IPCEF1: variants seen among roughly 807,000 people sequenced by gnomAD.
The protein encoded by IPCEF1 is interaction protein for cytohesin exchange factors 1.
In IPCEF1, 31 loss-of-function variants were observed where a neutral mutation model predicts 50.9. That is an observed-to-expected ratio of 0.61 (90% CI 0.46 to 0.82). The LOEUF (loss-of-function observed/expected upper bound fraction) is 0.82. IPCEF1 is among the 40% of genes least tolerant of loss of function. The pLI is 0.00. For synonymous variants in IPCEF1, 181 were observed against 192.0 expected, an observed-to-expected ratio of 0.94 and a Z score of 0.47; for missense variants, 458 against 514.0, an observed-to-expected ratio of 0.89 and a Z score of 1.05.
intron 1 of IPCEF1, among the ~76,000 whole-genome samples, chr6:154,316,298 C>T (rs1783216303): frequency 1.3e-5 from 2 of 152,182 alleles, no homozygotes; most frequent in Admixed American, 6.5e-5. Context: ...AGCACAGCAT[C>T]ACTTTTATAT....
chr6:154,202,633 C>T (rs1263265150), intron 9 of IPCEF1, among the ~76,000 whole-genome samples: 1 of 152,186 alleles, frequency 6.6e-6, no homozygotes, highest in Non-Finnish European at 1.5e-5. Flanking sequence ...ATTTGAACAA[C>T]AGACCATGTA....
rs1188452078 is a variant in IPCEF1 at position 154,214,296 on chromosome 6, CA to C, written c.393-21del. Reference sequence around the variant, plus strand: ...AACCACCTAAAATTCAAATAGAAAGCAAATGTTGACCAAAGAGATTAGCCCC... The same window carrying C: ...AACCACCTAAAATTCAAATAGAAAGCAATGTTGACCAAAGAGATTAGCCCC... On this transcript the variant is annotated intron_variant, in intron 7 of 11. Coordinates refer to ENST00000367220, the MANE Select transcript of IPCEF1 (RefSeq NM_001130700.2). 1 of 1,579,850 alleles carries C rather than the reference CA, an allele frequency of 6.3e-7. No homozygotes were observed. Among genetic ancestry groups the C allele is most frequent in the Non-Finnish European group, 8.7e-7 (1 of 1,148,984 alleles).
intron 3 of IPCEF1, among the ~76,000 whole-genome samples, chr6:154,263,984 G>A (rs950100720): frequency 6.4e-5 from 7 of 109,488 alleles, no homozygotes; most frequent in East Asian, 7.6e-4. Flanking sequence ...CGGATGGGGC[G>A]GCTGGCCGGG....
chr6:154,296,828 C>CA (rs200689361), intron 1 of IPCEF1, among the ~76,000 whole-genome samples: 3,918 of 74,434 alleles, frequency 0.053, 77 homozygotes, highest in Non-Finnish European at 0.078. Flanking sequence ...GACTCCGTCT[C>CA]AAAAAAAAAA....
chr6:154,215,696 C>T (rs1448609331), intron 7 of IPCEF1, among the ~76,000 whole-genome samples: 1 of 152,112 alleles, frequency 6.6e-6, no homozygotes, highest in Non-Finnish European at 1.5e-5. Context: ...GTTAAGAAAT[C>T]ACCTTCAGCA....
chr6:154,202,685 A>G (rs548080302), intron 9 of IPCEF1, among the ~76,000 whole-genome samples: 21 of 152,324 alleles, frequency 1.4e-4, no homozygotes, highest in African/African-American at 4.8e-4. Context: ...ATTGAACCTC[A>G]AAACTCTGCT....
chr6:154,295,867 G>GCACA lies in IPCEF1; in HGVS notation c.-61-6115_-61-6112dup, dbSNP rs59302680. On this transcript the variant is annotated intron_variant, in intron 1 of 11. Transcript: ENST00000367220. The stretch of plus-strand genomic sequence containing the variant: ...CTGCCTGTCACACACATGTGCACAC[G>GCACA]CACACACACACACACACACACATGC... Among the ~76,000 whole-genome samples, 8 of 148,004 alleles carry GCACA rather than the reference G, an allele frequency of 5.4e-5. No individual in the cohort carries two copies. In the South Asian group the frequency reaches 1.3e-3, roughly 24 times the overall value.
intron 1 of IPCEF1, among the ~76,000 whole-genome samples, chr6:154,355,467 A>G (rs1038917904): frequency 1.3e-5 from 2 of 150,788 alleles, no homozygotes; most frequent in African/African-American, 4.9e-5. Flanking sequence ...TGTTCTTTCC[A>G]TTTCTGTTTC....
intron 5 of IPCEF1, among the ~76,000 whole-genome samples, chr6:154,240,785 C>G (rs935295870): frequency 2.0e-5 from 3 of 152,192 alleles, no homozygotes; most frequent in African/African-American, 7.2e-5. Context: ...CTTCAATCCC[C>G]AAACATGCAA....
intron 5 of IPCEF1, among the ~76,000 whole-genome samples, chr6:154,224,405 C>G (rs1272075827): frequency 6.6e-6 from 1 of 152,124 alleles, no homozygotes; most frequent in South Asian, 2.1e-4. Flanking sequence ...ATGCCTTCCT[C>G]TTATAAGATT....
chr6:154,334,427 T>C (rs1039363934), intron 1 of IPCEF1, among the ~76,000 whole-genome samples: 9 of 152,168 alleles, frequency 5.9e-5, no homozygotes, highest in African/African-American at 2.2e-4. Context: ...GTATGTTTGG[T>C]ATCTATGACT....
At chr6:154,207,560 T>G (rs926455175) in intron 9 of IPCEF1, among the ~76,000 whole-genome samples, 2 of 147,966 alleles carry the variant, frequency 1.4e-5, no homozygotes, top group East Asian at 2.4e-4. Flanking sequence ...CTTTTTGGGG[T>G]TTTTTTTGTT....
At chr6:154,232,563 C>G (rs1583862458) in intron 5 of IPCEF1, among the ~76,000 whole-genome samples, 1 of 151,988 alleles carries the variant, frequency 6.6e-6, no homozygotes, top group East Asian at 1.9e-4. Flanking sequence ...AGCAACCAGT[C>G]AAATAATTCT....
At position 154,157,978 on chromosome 6, in the gene IPCEF1, C is replaced by T. The variant is rs982765494; in HGVS notation, c.*1850G>A. 1.3e-5 allele frequency: 2 copies of T among 152,270 alleles called. No homozygotes were observed. The highest frequency in any genetic ancestry group is 2.9e-5 in the Non-Finnish European group (2 of 68,044). 9.4% of individuals were successfully genotyped at this position (152,270 alleles called of 1,614,324 possible). ...GCTTCCCTAGGTGGAGAAGTACCCA[C>T]ATGTTTGCTGGGCCAAACTGACTGG... On this transcript the variant is annotated 3_prime_UTR_variant, in exon 12 of 12. Coordinates refer to ENST00000367220, the MANE Select transcript of IPCEF1 (RefSeq NM_001130700.2).
intron 2 of IPCEF1, among the ~76,000 whole-genome samples, chr6:154,273,856 G>C (rs559683550): frequency 4.1e-4 from 60 of 145,458 alleles, no homozygotes; most frequent in Non-Finnish European, 4.9e-4. Context: ...CGGGTTCACG[G>C]CATTCTCCTG....
At chr6:154,327,220 C>T (rs1194900700) in intron 1 of IPCEF1, among the ~76,000 whole-genome samples, 1 of 152,152 alleles carries the variant, frequency 6.6e-6, no homozygotes, top group African/African-American at 2.4e-5. Context: ...CTAGTGGGAT[C>T]TGACTAAACT....
intron 3 of IPCEF1, among the ~76,000 whole-genome samples, chr6:154,255,663 G>A (rs1183506708): frequency 6.6e-6 from 1 of 152,122 alleles, no homozygotes; most frequent in Non-Finnish European, 1.5e-5. Context: ...TTAGATTTGT[G>A]TTAGAGATGA....
chr6:154,279,965 C>T (rs1782166308), intron 2 of IPCEF1, among the ~76,000 whole-genome samples: 2 of 152,058 alleles, frequency 1.3e-5, no homozygotes, highest in Admixed American at 1.3e-4. Context: ...TGTTAATCCT[C>T]ATTAACAATC....
At chr6:154,284,183 T>C (rs1782297136) in intron 2 of IPCEF1, among the ~76,000 whole-genome samples, 1 of 152,236 alleles carries the variant, frequency 6.6e-6, no homozygotes, top group Admixed American at 6.5e-5. Context: ...TTAATATAAT[T>C]CCTTCTTCAT....
Sources: gnomAD v4.1 joint callset for allele counts (sites outside exome capture counted in the v4.1 genomes callset) on GRCh38, gnomAD v4.1.1 for gene constraint, MANE v1.5 for transcripts, NCBI Gene and HGNC (gene_info 2026-07-23, HGNC 2026-07-21) for gene names.